The following TRAFD1 variants were observed in gnomAD, a reference collection of about 807,000 sequenced individuals.
TRAFD1 encodes TRAF-type zinc finger domain-containing protein 1.
Under a neutral mutation model 65.3 loss-of-function variants are expected in TRAFD1, and 38 were observed. The observed-to-expected ratio is 0.58, with a 90% CI of 0.45 to 0.76. The LOEUF is 0.76. Among genes scored for constraint, TRAFD1 ranks in the 30% least tolerant of loss-of-function variants. The probability of loss-of-function intolerance (pLI) is 0.00; values close to 1 mark genes in which losing one functional copy is unlikely to be tolerated. For missense variants in TRAFD1, 631 were observed against 712.6 expected (o/e 0.89, Z 1.30); for synonymous variants, 223 against 257.2 (o/e 0.87, Z 1.27).
chr12:112,128,762 C>G (rs148241974), intron 1 of TRAFD1, among the ~76,000 whole-genome samples: 27 of 152,160 alleles, frequency 1.8e-4, no homozygotes, highest in African/African-American at 6.5e-4. Context: ...GCTGGCTGGG[C>G]ACGGTGACTC....
intron 2 of TRAFD1, among the ~76,000 whole-genome samples, chr12:112,132,045 T>C (rs1399200640): frequency 1.3e-5 from 2 of 152,166 alleles, no homozygotes; most frequent in Non-Finnish European, 2.9e-5. Flanking sequence ...GTAAAGTAAA[T>C]GCTAGACATT....
Position 112,135,101 on chromosome 12 carries a change from C to T in TRAFD1, c.237+35C>T, listed in dbSNP as rs1293098852. The T allele has an allele frequency of 5.6e-6, 9 of 1,613,348 alleles. No homozygotes were observed. The East Asian group carries it at 2.0e-4, about 36-fold the overall frequency. On this transcript the variant is annotated intron_variant, in intron 4 of 11. Transcript: ENST00000412615. ...TGGAGTGAGTTACCGTGGGCCCAGT[C>T]CTGCTGAGATTACAGACCCACATGC... is the stretch of plus-strand genomic sequence containing the variant.
At chr12:112,141,272 A>C in intron 5 of TRAFD1, 48 bp downstream of exon 5, 1 of 1,591,512 alleles carries the variant, frequency 6.3e-7, no homozygotes, top group Non-Finnish European at 8.6e-7. Context: ...CAAAATCCCA[A>C]GGCAAATGGG....
chr12:112,135,237 A>C (rs572365830), intron 4 of TRAFD1, among the ~76,000 whole-genome samples, 171 bp downstream of exon 4: 90 of 152,336 alleles, frequency 5.9e-4, no homozygotes, highest in Non-Finnish European at 1.0e-3. Context: ...AGATTCGGCT[A>C]CCTGGCTGTT....
chr12:112,143,654 A>G (rs942731002), intron 6 of TRAFD1, among the ~76,000 whole-genome samples: 1 of 148,130 alleles, frequency 6.8e-6, no homozygotes, highest in Non-Finnish European at 1.5e-5. Context: ...GTTCTGTTTG[A>G]TCCTTTTCCT....
intron 8 of TRAFD1, among the ~76,000 whole-genome samples, chr12:112,148,990 G>A (rs1340833905): frequency 1.3e-5 from 2 of 152,054 alleles, no homozygotes; most frequent in African/African-American, 4.8e-5. Context: ...GGCTGAGGCG[G>A]GCAGATCACT....
Position 112,152,063 on chromosome 12 carries a change from T to C in TRAFD1, c.1542T>C (p.Ile514=), listed in dbSNP as rs757835168. The change falls in exon 10 of 12, where the codon ATT becomes ATC. Residue 514 remains isoleucine (I), a synonymous_variant. Coordinates refer to ENST00000412615, the MANE Select transcript of TRAFD1 (RefSeq NM_006700.3). This position sits in a 1 kb window ranked among gnomAD's most constrained non-coding sequence, Gnocchi z 5.0. ...TAGCCCCTGGGCACGTTTCAGTGAT[T>C]CGCCCTCCTCAAAATCTCTACCCAG... The part of the protein sequence containing the change: ...GAIAPGHVSV[I]RPPQNLYPEN... 1.2e-6 allele frequency: 2 copies of C among 1,614,204 alleles called. No individual in the cohort carries two copies. Among genetic ancestry groups the C allele is most frequent in the Non-Finnish European group, 1.7e-6 (2 of 1,180,020 alleles).
At chr12:112,149,217 C>CAA in intron 8 of TRAFD1, 1 of 128,640 alleles carries the variant, frequency 7.8e-6, no homozygotes, top group South Asian at 2.4e-4. Flanking sequence ...GACTCTGTCT[C>CAA]AAAAAAAAAA....
chr12:112,152,377 C>T lies in TRAFD1; in HGVS notation c.1620-50C>T, dbSNP rs376491787. On this transcript the variant is annotated intron_variant, in intron 10 of 11. Coordinates refer to ENST00000412615, the MANE Select transcript of TRAFD1 (RefSeq NM_006700.3). The surrounding 1 kb of genome is among the most constrained non-coding windows in gnomAD (Gnocchi z 5.0). ...TTCCTGTTCCCTCTGAGTTTGTTGA[C>T]CTTTGCTCAGGGACACTTCAGGAGC... 4.6e-4 allele frequency: 736 copies of T among 1,602,642 alleles called. 1 individual carries two copies. Among genetic ancestry groups the T allele is most frequent in the Non-Finnish European group, 5.7e-4 (673 of 1,176,730 alleles).
intron 4 of TRAFD1, among the ~76,000 whole-genome samples, chr12:112,139,875 C>T (rs2030034171): frequency 6.6e-6 from 1 of 152,080 alleles, no homozygotes; most frequent in African/African-American, 2.4e-5. Flanking sequence ...GTGGCACGCA[C>T]CTGTGGTCCC....
intron 9 of TRAFD1, 111 bp downstream of exon 9, chr12:112,149,982 C>T (rs1371832690): frequency 1.8e-5 from 26 of 1,466,492 alleles, no homozygotes; most frequent in Non-Finnish European, 1.8e-6. Context: ...TCTCAAATTT[C>T]CAAACACACT....
chr12:112,142,002 C>A, intron 5 of TRAFD1, 87 bp from the exon 6 acceptor site: 1 of 1,459,334 alleles, frequency 6.9e-7, no homozygotes, highest in Non-Finnish European at 9.4e-7. Context: ...TGCCTGTAAA[C>A]CTTGACTATT....
At chr12:112,148,501 G>A (rs911108458) in intron 8 of TRAFD1, among the ~76,000 whole-genome samples, 197 bp downstream of exon 8, 4 of 152,154 alleles carry the variant, frequency 2.6e-5, no homozygotes, top group African/African-American at 9.7e-5. Flanking sequence ...CCTCCCTTTG[G>A]GCAACTGAAG....
Position 112,140,799 on chromosome 12 carries a change from C to T in TRAFD1, c.238-20C>T, listed in dbSNP as rs1217065395. 1 of 1,611,534 alleles carries T rather than the reference C, an allele frequency of 6.2e-7. No individual in the cohort carries two copies. Among genetic ancestry groups the T allele is most frequent in the Non-Finnish European group, 8.5e-7 (1 of 1,177,890 alleles). ...TCTCCTAGATATGCATATTAACTGC[C>T]TCATTCCTCTGTTTTGTAGGAGACT... On this transcript the variant is annotated intron_variant, in intron 4 of 11. Transcript: ENST00000412615.
intron 8 of TRAFD1, 127 bp from the exon 9 acceptor site, chr12:112,149,623 TC>T: frequency 7.7e-7 from 1 of 1,299,376 alleles, no homozygotes; most frequent in Non-Finnish European, 1.1e-6. Context: ...TTCTGAAAGT[TC>T]CCAGAACTTT....
chr12:112,137,107 C>T lies in TRAFD1; in HGVS notation c.237+2041C>T, dbSNP rs1404100227. ...GCGTGGATACGCACGTCTGAAATCC[C>T]AGCTACTCAGAAGGCTGAGGCAGGA... On this transcript the variant is annotated intron_variant, in intron 4 of 11. Coordinates refer to ENST00000412615, the MANE Select transcript of TRAFD1 (RefSeq NM_006700.3). The surrounding 1 kb of genome is among the most constrained non-coding windows in gnomAD (Gnocchi z 4.2). 3.9e-5 allele frequency among the ~76,000 whole-genome samples: 6 copies of T among 152,094 alleles called. No homozygotes were observed. Among genetic ancestry groups the T allele is most frequent in the Non-Finnish European group, 7.4e-5 (5 of 68,024 alleles).
At position 112,130,557 on chromosome 12, in the gene TRAFD1, T is replaced by G. The variant is rs1282810547; in HGVS notation, c.35T>G (p.Leu12Arg). Residue 12 changes from leucine to arginine, a missense_variant, in exon 2 of 12, where the codon CTG becomes CGG. Transcript: ENST00000412615. The surrounding 1 kb of genome is among the most constrained non-coding windows in gnomAD (Gnocchi z 4.4). Reference sequence around the variant, plus strand: ...TTTCTAGATGACCAGGAAACTCGACTGTGTGACAACTGGTAAGACATTAAA... The same window carrying G: ...TTTCTAGATGACCAGGAAACTCGACGGTGTGACAACTGGTAAGACATTAAA... ...AEFLDDQETRLCDNCKKEIPV... is the reference protein window; with the variant it reads ...AEFLDDQETRRCDNCKKEIPV... 3 of 1,613,034 alleles carry G rather than the reference T, an allele frequency of 1.9e-6. No individual in the cohort carries two copies. Among genetic ancestry groups the G allele is most frequent in the Non-Finnish European group, 1.7e-6 (2 of 1,179,422 alleles).
rs2079563281 is a variant in TRAFD1 at position 112,130,707 on chromosome 12, CATGA to C, written c.47+141_47+144del. On this transcript the variant is annotated intron_variant, in intron 2 of 11. Transcript: ENST00000412615. This position sits in a 1 kb window ranked among gnomAD's most constrained non-coding sequence, Gnocchi z 4.4. ...TTTCTATTTTGGTGTTTATAACCCA[CATGA>C]ATTACAAGAAAGAGCATCTCTTTCC... is the stretch of plus-strand genomic sequence containing the variant. The C allele has an allele frequency of 1.7e-6, 1 of 574,676 alleles. No individual in the cohort carries two copies. Among genetic ancestry groups the C allele is most frequent in the Admixed American group, 3.5e-5 (1 of 28,284 alleles). 35.6% of individuals were successfully genotyped at this position (574,676 alleles called of 1,614,324 possible).
chr12:112,138,556 A>C (rs1274290466), intron 4 of TRAFD1, among the ~76,000 whole-genome samples: 2 of 149,760 alleles, frequency 1.3e-5, no homozygotes, highest in Non-Finnish European at 3.0e-5. Flanking sequence ...TCAAAAAAAA[A>C]CAAAAACAAA....
Sources: allele counts gnomAD v4.1 joint callset (sites outside exome capture counted in the v4.1 genomes callset), GRCh38; gene constraint gnomAD v4.1.1; non-coding constraint Gnocchi (gnomAD v3.1); transcripts MANE v1.5; gene names NCBI Gene and HGNC (gene_info 2026-07-23, HGNC 2026-07-21).